Variants in PORCN observed in about 807,000 individuals in gnomAD.
PORCN encodes the protein porcupine O-acyltransferase.
In PORCN, 1 loss-of-function variant was observed where a neutral mutation model predicts 43.0. That is an observed-to-expected ratio of 0.02 (90% CI 0.01 to 0.11). The LOEUF (loss-of-function observed/expected upper bound fraction) is 0.11. Among genes scored for constraint, PORCN ranks in the 10% least tolerant of loss-of-function variants. The pLI is 1.00. For synonymous variants in PORCN, 148 were observed against 166.4 expected, an observed-to-expected ratio of 0.89 and a Z score of 0.85; for missense variants, 240 against 392.1, an observed-to-expected ratio of 0.61 and a Z score of 3.28.
At chrX:48,515,612 C>A (rs1279426771) in intron 10 of PORCN, 105 bp from the exon 11 acceptor site, 2 of 654,351 alleles carry the variant, frequency 3.1e-6, no homozygotes, top group Non-Finnish European at 5.1e-6. Flanking sequence ...GGACTTTATC[C>A]TGGGGGCTCC....
At position 48,511,498 on chromosome X, in the gene PORCN, G is replaced by A. The variant is rs377261803; in HGVS notation, c.329+11G>A. On this transcript the variant is annotated intron_variant, in intron 3 of 14. Transcript: ENST00000326194. The stretch of plus-strand genomic sequence containing the variant: ...CTACCTACTCATGGGGTATGAGTAT[G>A]CATCCTTATCCTCACACTGTTGGCT... The A allele has an allele frequency of 2.3e-5, 27 of 1,195,728 alleles. No individual in the cohort carries two copies. The highest frequency in any genetic ancestry group is 2.7e-5 in the Non-Finnish European group (24 of 882,487).
At chrX:48,514,449 G>T in intron 9 of PORCN, 76 bp from the exon 10 acceptor site, 1 of 1,183,364 alleles carries the variant, frequency 8.5e-7, no homozygotes, top group Non-Finnish European at 1.1e-6. Flanking sequence ...CCAGGGGAGG[G>T]AACGGCCAAG....
At chrX:48,518,007 C>T (rs1402529235) in intron 14 of PORCN, among the ~76,000 whole-genome samples, 3 of 108,438 alleles carry the variant, frequency 2.8e-5, no homozygotes, top group Non-Finnish European at 5.7e-5. Flanking sequence ...TTCCTGGGCT[C>T]AAGCCATCCT....
chrX:48,520,617 CA>C lies in PORCN; in HGVS notation c.*142del. 1 of 498,141 alleles carries C rather than the reference CA, an allele frequency of 2.0e-6. No homozygotes were observed. The highest frequency in any genetic ancestry group is 3.7e-5 in the East Asian group (1 of 27,247). The allele number at this position is 498,141 out of a possible 1,213,427, so 41.1% of individuals were successfully genotyped here. On this transcript the variant is annotated 3_prime_UTR_variant, in exon 15 of 15. Coordinates refer to ENST00000326194, the MANE Select transcript of PORCN (RefSeq NM_203475.3). ...ACCTCAACACACACACACACACACACACACAAAATCACACCATTTTCATGCC... is the reference window on the plus strand; with the variant it reads ...ACCTCAACACACACACACACACACACCACAAAATCACACCATTTTCATGCC...
At chrX:48,517,416 G>A in intron 14 of PORCN, 123 bp downstream of exon 14, 1 of 505,415 alleles carries the variant, frequency 2.0e-6, no homozygotes, top group East Asian at 3.7e-5. Context: ...CTTCGCCTGG[G>A]CAGCCAGTGC....
rs782638150 is a variant in PORCN, at chrX:48,511,383, C to T, written c.225C>T (p.Val75=). The change falls in exon 3 of 15, where the codon GTC becomes GTT. Residue 75 remains valine (V), a synonymous_variant. Transcript: ENST00000326194. Reference sequence around the variant, plus strand: ...TCTTCCAGCTGCACATGGTTTGGGTCGTGCTGCTCAGCCTCCTGTGCTACC... The same window carrying T: ...TCTTCCAGCTGCACATGGTTTGGGTTGTGCTGCTCAGCCTCCTGTGCTACC... ...YHFFQLHMVW[V]VLLSLLCYLV... is the part of the protein sequence containing the mutation. The T allele has an allele frequency of 2.5e-6, 3 of 1,211,154 alleles. No individual in the cohort carries two copies. Among genetic ancestry groups the T allele is most frequent in the Admixed American group, 2.2e-5 (1 of 46,002 alleles).
In PORCN at chrX:48,516,112, G is replaced by T; in HGVS notation, c.1139G>T (p.Arg380Leu). The change falls in exon 13 of 15, where the codon CGG (arginine) becomes CTG (leucine). Residue 380 changes from arginine to leucine, a missense_variant. Arg to Leu is a moderately radical substitution (Grantham distance 102). Coordinates refer to ENST00000326194, the MANE Select transcript of PORCN (RefSeq NM_203475.3). ...RILSACVLSK[R>L]CPPDCSHQHR... ...CTCAGTGCCTGTGTCTTGTCAAAGC[G>T]GTGCCCGCCAGACTGTTCGCACCAG... The T allele has an allele frequency of 8.3e-7, 1 of 1,211,618 alleles. No homozygotes were observed. Among genetic ancestry groups the T allele is most frequent in the Non-Finnish European group, 1.1e-6 (1 of 895,436 alleles).
rs782485813 is a variant in PORCN at position 48,511,914 on chromosome X, G to A, written c.352G>A (p.Val118Met). Residue 118 changes from valine to methionine, a missense_variant, in exon 4 of 15, where the codon GTG becomes ATG. Physicochemically the swap from Val to Met is conservative, Grantham distance 21 (BLOSUM62 1). Transcript: ENST00000326194. ...CAGTGAGATGCACATGGTAGACACC[G>A]TGACATGGCACAAGATGCGAGGTAG... ...LMGEMHMVDTVTWHKMRGAQM... is the reference protein window; with the variant it reads ...LMGEMHMVDTMTWHKMRGAQM... The A allele has an allele frequency of 5.0e-6, 6 of 1,209,996 alleles. No individual in the cohort carries two copies. Among genetic ancestry groups the A allele is most frequent in the African/African-American group, 1.7e-5 (1 of 57,453 alleles).
intron 14 of PORCN, among the ~76,000 whole-genome samples, chrX:48,517,901 T>G (rs1200070666): frequency 1.8e-5 from 2 of 108,726 alleles, no homozygotes; most frequent in Admixed American, 2.0e-4. Flanking sequence ...TAGGTAGAAT[T>G]TGCAAGACTT....
intron 7 of PORCN, 70 bp from the exon 8 acceptor site, chrX:48,514,057 C>G (rs1235618328): frequency 8.7e-7 from 1 of 1,154,495 alleles, no homozygotes; most frequent in East Asian, 3.0e-5. Flanking sequence ...CAATTCAGAC[C>G]AGCCTCCAGG....
intron 7 of PORCN, among the ~76,000 whole-genome samples, chrX:48,513,804 A>C (rs782806608): frequency 1.8e-5 from 2 of 112,135 alleles, no homozygotes; most frequent in South Asian, 7.4e-4. Flanking sequence ...AGAGCATTGC[A>C]AGGCTGGGAG....
At chrX:48,517,054 G>A (rs2147139250) in intron 13 of PORCN, 129 bp from the exon 14 acceptor site, 1 of 518,050 alleles carries the variant, frequency 1.9e-6, no homozygotes, top group East Asian at 3.7e-5. Flanking sequence ...CTATCTCAGG[G>A]GGTACCCTGG....
chrX:48,515,438 G>T, intron 10 of PORCN: 1 of 414,384 alleles, frequency 2.4e-6, no homozygotes, highest in Non-Finnish European at 4.2e-6. Context: ...GCTGAATTTG[G>T]ATGTGGGAGT....
At chrX:48,515,648 G>C (rs1300319300) in intron 10 of PORCN, 69 bp from the exon 11 acceptor site, 1 of 913,783 alleles carries the variant, frequency 1.1e-6, no homozygotes, top group Non-Finnish European at 1.6e-6. Flanking sequence ...TTCTCATCCT[G>C]CTGATGGCCC....
intron 9 of PORCN, 32 bp from the exon 10 acceptor site, chrX:48,514,493 C>A: frequency 8.4e-7 from 1 of 1,195,034 alleles, no homozygotes; most frequent in Non-Finnish European, 1.1e-6. Flanking sequence ...GTTGAGATCC[C>A]AAATGGATTT....
chrX:48,517,770 T>C (rs2061729618), intron 14 of PORCN, among the ~76,000 whole-genome samples: 1 of 110,387 alleles, frequency 9.1e-6, no homozygotes, highest in African/African-American at 3.3e-5. Flanking sequence ...AGTGAGCCCA[T>C]GCCACTGCAC....
At chrX:48,509,689 G>T in intron 1 of PORCN, 95 bp from the exon 2 acceptor site, 2 of 1,157,912 alleles carry the variant, frequency 1.7e-6, no homozygotes, top group Non-Finnish European at 2.3e-6. Context: ...ACATGGGCTG[G>T]GCAGCCCCAA....
Position 48,514,299 on chromosome X carries a change from T to C in PORCN, c.779T>C (p.Phe260Ser). Reference sequence around the variant, plus strand: ...CACTTCAGCAACTATTTTGTGGGCTTTCTTTCCGAGGCCACGGCCACGTTG... The same window carrying C: ...CACTTCAGCAACTATTTTGTGGGCTCTCTTTCCGAGGCCACGGCCACGTTG... ...SFHFSNYFVG[F>S]LSEATATLAG... Residue 260 changes from phenylalanine to serine, a missense_variant, in exon 9 of 15, where the codon TTT becomes TCT. Phe to Ser is a radical substitution (Grantham distance 155). Coordinates refer to ENST00000326194, the MANE Select transcript of PORCN (RefSeq NM_203475.3). 8.3e-7 allele frequency: 1 copy of C among 1,211,884 alleles called. No homozygotes were observed. Among genetic ancestry groups the C allele is most frequent in the Non-Finnish European group, 1.1e-6 (1 of 895,482 alleles).
chrX:48,517,916 A>ATT (rs35209138), intron 14 of PORCN, among the ~76,000 whole-genome samples: 1 of 100,376 alleles, frequency 1.0e-5, no homozygotes, highest in Non-Finnish European at 2.0e-5. Flanking sequence ...AGACTTCTTA[A>ATT]TTTTTTTTTT....
Sources: allele counts gnomAD v4.1 joint callset (sites outside exome capture counted in the v4.1 genomes callset), GRCh38; gene constraint gnomAD v4.1.1; transcripts MANE v1.5; gene names NCBI Gene and HGNC (gene_info 2026-07-23, HGNC 2026-07-21).